TMEM123: variants seen among roughly 807,000 people sequenced by gnomAD.
The protein encoded by TMEM123 is porimin.
Under a neutral mutation model 19.7 loss-of-function variants are expected in TMEM123, and 16 were observed. The observed-to-expected ratio is 0.81, with a 90% CI of 0.55 to 1.23. TMEM123 has a LOEUF of 1.23. TMEM123 is among the 50% of genes most tolerant of loss of function. TMEM123 has a pLI of 0.00. For missense variants in TMEM123, 313 were observed against 257.8 expected, an observed-to-expected ratio of 1.21 and a Z score of -1.47; for synonymous variants, 118 against 99.4, an observed-to-expected ratio of 1.19 and a Z score of -1.12.
chr11:102,412,986 TA>T (rs1270638079), intron 2 of TMEM123, among the ~76,000 whole-genome samples: 1 of 152,096 alleles, frequency 6.6e-6, no homozygotes, highest in Non-Finnish European at 1.5e-5. Context: ...ATTGATAAAG[TA>T]AAAAAATTAA....
intron 2 of TMEM123, among the ~76,000 whole-genome samples, chr11:102,410,619 T>G (rs1242962003): frequency 1.3e-5 from 2 of 152,154 alleles, no homozygotes; most frequent in Admixed American, 6.5e-5. Flanking sequence ...CTGGCATCCT[T>G]GCTCTCCAGG....
At chr11:102,416,361 CAG>C (rs1299407310) in intron 2 of TMEM123, among the ~76,000 whole-genome samples, 4 of 152,274 alleles carry the variant, frequency 2.6e-5, no homozygotes, top group East Asian at 3.9e-4. Context: ...AAAAAACCCT[CAG>C]AGACTATTAT....
rs539553526 is a variant in TMEM123, at chr11:102,433,929, C to T, written c.157+14883G>A. Among the ~76,000 whole-genome samples the T allele has an allele frequency of 1.2e-3, 188 of 151,936 alleles. 2 individuals are homozygous for T. The highest frequency in any genetic ancestry group is 4.5e-3 in the African/African-American group (185 of 41,492). On this transcript the variant is annotated intron_variant, in intron 2 of 4. Coordinates refer to ENST00000398136, the MANE Select transcript of TMEM123 (RefSeq NM_052932.3). Reference sequence around the variant, plus strand: ...ATAAGTTTCCTGAGGCCTCCCTAGCCATGTGGAACTGTGACTCAATTAAAC... The same window carrying T: ...ATAAGTTTCCTGAGGCCTCCCTAGCTATGTGGAACTGTGACTCAATTAAAC...
intron 2 of TMEM123, among the ~76,000 whole-genome samples, chr11:102,446,475 A>G (rs1857884339): frequency 6.6e-6 from 1 of 152,140 alleles, no homozygotes; most frequent in Non-Finnish European, 1.5e-5. Context: ...AAACAGAAAA[A>G]CAGCTGTAAT....
At chr11:102,452,491 C>A (rs557402492) in intron 1 of TMEM123, 33 bp downstream of exon 1, 90 of 1,445,800 alleles carry the variant, frequency 6.2e-5, no homozygotes, top group Non-Finnish European at 7.8e-5. Context: ...CTGCCTCCCA[C>A]GAACGGGGCT....
chr11:102,446,450 C>G (rs1857884195), intron 2 of TMEM123, among the ~76,000 whole-genome samples: 1 of 152,096 alleles, frequency 6.6e-6, no homozygotes, highest in Non-Finnish European at 1.5e-5. Context: ...ACTTCAAGTA[C>G]CTATATTACT....
chr11:102,451,324 A>G (rs1185102277), intron 1 of TMEM123: 1 of 152,168 alleles, frequency 6.6e-6, no homozygotes, highest in African/African-American at 2.4e-5. Context: ...ACCAAGATAC[A>G]CGATGGACAT....
rs774969407 is a variant in TMEM123, at chr11:102,401,951, T to C, written c.413A>G (p.Asn138Ser). 7 of 1,614,064 alleles carry C rather than the reference T, an allele frequency of 4.3e-6. No individual in the cohort carries two copies. Among genetic ancestry groups the C allele is most frequent in the South Asian group, 1.1e-5 (1 of 91,088 alleles). ...ISTSTMTVTH[N>S]SSVTSAASSV... ...TGAAGCAGCAGATGTCACTGAACTA[T>C]TGTGGGTTACGGTCATTGTGGATGT... is the stretch of plus-strand genomic sequence containing the variant. The change falls in exon 3 of 5, where the codon AAT (asparagine) becomes AGT (serine). Residue 138 changes from asparagine (N) to serine (S), a missense_variant. By Grantham distance (46) the Asn-to-Ser change is conservative (BLOSUM62 1). Coordinates refer to ENST00000398136, the MANE Select transcript of TMEM123 (RefSeq NM_052932.3).
chr11:102,436,312 A>T (rs1281661081), intron 2 of TMEM123, among the ~76,000 whole-genome samples: 1 of 151,776 alleles, frequency 6.6e-6, no homozygotes, highest in Non-Finnish European at 1.5e-5. Flanking sequence ...ACAGGCGTGC[A>T]TCACCACGCC....
At chr11:102,451,642 C>T (rs1422055812) in intron 1 of TMEM123, among the ~76,000 whole-genome samples, 5 of 152,240 alleles carry the variant, frequency 3.3e-5, no homozygotes, top group African/African-American at 1.2e-4. Flanking sequence ...GACCTGACTT[C>T]TCTAACAGTT....
intron 2 of TMEM123, among the ~76,000 whole-genome samples, chr11:102,424,088 G>GA (rs757214482): frequency 1.4e-4 from 21 of 152,140 alleles, no homozygotes; most frequent in Non-Finnish European, 2.9e-4. Context: ...AGCAAATTGA[G>GA]GGAGGAGTGG....
chr11:102,441,688 A>G (rs1857827651), intron 2 of TMEM123, among the ~76,000 whole-genome samples: 1 of 152,134 alleles, frequency 6.6e-6, no homozygotes, highest in East Asian at 1.9e-4. Flanking sequence ...AGAAATAACT[A>G]AAATCAGAGG....
intron 2 of TMEM123, among the ~76,000 whole-genome samples, chr11:102,423,763 CTTT>C (rs538539812): frequency 6.6e-6 from 1 of 152,068 alleles, no homozygotes; most frequent in Non-Finnish European, 1.5e-5. Flanking sequence ...ATGTGTATGC[CTTT>C]TTTGTACAGT....
chr11:102,438,143 A>T (rs672503), intron 2 of TMEM123, among the ~76,000 whole-genome samples: 2 of 152,120 alleles, frequency 1.3e-5, no homozygotes, highest in African/African-American at 4.8e-5. Context: ...AATCTCTGCC[A>T]CCCGGGATCA....
chr11:102,413,998 A>G (rs1225596998), intron 2 of TMEM123, among the ~76,000 whole-genome samples: 2 of 152,232 alleles, frequency 1.3e-5, no homozygotes, highest in African/African-American at 4.8e-5. Flanking sequence ...AACACAAAAT[A>G]GCAATTTTAA....
At chr11:102,410,617 C>T (rs2135847138) in intron 2 of TMEM123, among the ~76,000 whole-genome samples, 1 of 152,226 alleles carries the variant, frequency 6.6e-6, no homozygotes, top group Non-Finnish European at 1.5e-5. Flanking sequence ...TCCTGGCATC[C>T]TTGCTCTCCA....
At chr11:102,451,165 T>A (rs1857935021) in intron 1 of TMEM123, 1 of 152,206 alleles carries the variant, frequency 6.6e-6, no homozygotes, top group African/African-American at 2.4e-5. Context: ...AAAATCTGTG[T>A]TATCAGGGCA....
At chr11:102,413,058 AT>A (rs1456356094) in intron 2 of TMEM123, among the ~76,000 whole-genome samples, 2 of 152,244 alleles carry the variant, frequency 1.3e-5, no homozygotes, top group Non-Finnish European at 2.9e-5. Context: ...AACTCAAGTT[AT>A]GCTTAGAGAG....
intron 2 of TMEM123, among the ~76,000 whole-genome samples, chr11:102,447,220 C>G (rs1281270358): frequency 2.0e-5 from 3 of 152,238 alleles, no homozygotes; most frequent in Admixed American, 6.5e-5. Context: ...CCCACTGACT[C>G]TGGAGCTGCC....
Sources: allele counts gnomAD v4.1 joint callset (sites outside exome capture counted in the v4.1 genomes callset), GRCh38; gene constraint gnomAD v4.1.1; transcripts MANE v1.5; gene names NCBI Gene and HGNC (gene_info 2026-07-23, HGNC 2026-07-21).